SEC61A1: variants seen among roughly 807,000 people sequenced by gnomAD.
SEC61A1 encodes the protein SEC61 translocon subunit alpha 1.
A neutral mutation model predicts 55.2 loss-of-function variants in SEC61A1; 15 were observed. The ratio of observed to expected loss-of-function variants is 0.27; its 90% CI spans 0.18 to 0.42. SEC61A1 has a LOEUF of 0.42. Ranked by LOEUF, SEC61A1 falls within the 10% of genes least tolerant of loss-of-function variation. SEC61A1 has a pLI of 1.00. For missense variants in SEC61A1, 284 were observed against 602.6 expected, an observed-to-expected ratio of 0.47 and a Z score of 5.53; for synonymous variants, 247 against 234.0, an observed-to-expected ratio of 1.06 and a Z score of -0.51.
At chr3:128,060,720 CA>C (rs1171171400) in intron 7 of SEC61A1, 59 bp downstream of exon 7, 12 of 1,522,702 alleles carry the variant, frequency 7.9e-6, no homozygotes, top group Non-Finnish European at 1.1e-5. Context: ...TTGAGCAATG[CA>C]AAGCAGAAGA....
Position 128,067,525 on chromosome 3 carries a change from T to C in SEC61A1, c.1080T>C (p.His360=). 2 of 1,614,160 alleles carry C rather than the reference T, an allele frequency of 1.2e-6. No individual in the cohort carries two copies. The highest frequency in any genetic ancestry group is 1.7e-6 in the Non-Finnish European group (2 of 1,180,012). The change falls in exon 10 of 12, where the codon CAT becomes CAC. Residue 360 remains histidine, a synonymous_variant. Coordinates refer to ENST00000243253, the MANE Select transcript of SEC61A1 (RefSeq NM_013336.4). The surrounding 1 kb of genome is among the most constrained non-coding windows in gnomAD (Gnocchi z 4.1). ...GCTCCGTGTTAGAAGACCCGGTCCA[T>C]GCAGTTGTATACATAGTGTTCATGC... The part of the protein sequence containing the change: ...SFGSVLEDPV[H]AVVYIVFMLG...
At position 128,060,668 on chromosome 3, in the gene SEC61A1, G is replaced by T. The variant is rs775477059; in HGVS notation, c.616+7G>T. 2 of 1,613,150 alleles carry T rather than the reference G, an allele frequency of 1.2e-6. No individual in the cohort carries two copies. The highest frequency in any genetic ancestry group is 3.3e-5 in the Admixed American group (2 of 59,804). Reference sequence around the variant, plus strand: ...ACTGTCAACACTGGCCGAGGTAAGGGCCCTGTGCTCCCCTGGTGGCGACAG... The same window carrying T: ...ACTGTCAACACTGGCCGAGGTAAGGTCCCTGTGCTCCCCTGGTGGCGACAG... On this transcript the variant is annotated splice_region_variant and intron_variant, in intron 7 of 11. Coordinates refer to ENST00000243253, the MANE Select transcript of SEC61A1 (RefSeq NM_013336.4).
At chr3:128,065,226 A>G (rs1399015065) in intron 8 of SEC61A1, 189 bp downstream of exon 8, 1 of 699,408 alleles carries the variant, frequency 1.4e-6, no homozygotes, top group South Asian at 1.6e-5. Context: ...GGGACCTGCC[A>G]TTAACGAAAC....
In SEC61A1 at chr3:128,053,100, T is replaced by C. The variant is rs187927298; in HGVS notation, c.75+198T>C. Among the ~76,000 whole-genome samples the C allele has an allele frequency of 2.0e-4, 31 of 152,336 alleles. No homozygotes were observed. The East Asian group carries it at 4.8e-3, about 24-fold the overall frequency. Reference sequence around the variant, plus strand: ...GTGTGGAAATTTCCACTGAAATCACTGTGCTTTATTTGGAGCATCTTTGGT... The same window carrying C: ...GTGTGGAAATTTCCACTGAAATCACCGTGCTTTATTTGGAGCATCTTTGGT... On this transcript the variant is annotated intron_variant, in intron 2 of 11. Transcript: ENST00000243253.
chr3:128,058,340 CTGGG>C (rs1188924575), intron 5 of SEC61A1, among the ~76,000 whole-genome samples: 10 of 150,756 alleles, frequency 6.6e-5, no homozygotes, highest in Non-Finnish European at 1.5e-4. Context: ...TCCCAAGTAG[CTGGG>C]ACTACAGGTG....
intron 4 of SEC61A1, 78 bp downstream of exon 4, chr3:128,055,829 C>G (rs1941761913): frequency 1.7e-6 from 2 of 1,173,112 alleles, no homozygotes; most frequent in Non-Finnish European, 2.5e-6. Context: ...TAGGCTTTGG[C>G]TTTATATGGA....
At chr3:128,068,236 C>A (rs953806239) in intron 11 of SEC61A1, among the ~76,000 whole-genome samples, 177 bp downstream of exon 11, 1 of 152,238 alleles carries the variant, frequency 6.6e-6, no homozygotes, top group Non-Finnish European at 1.5e-5. Context: ...ACACTGGAGA[C>A]GTAAAAATAA....
chr3:128,057,310 GA>G (rs1428085553), intron 5 of SEC61A1, among the ~76,000 whole-genome samples: 1 of 152,246 alleles, frequency 6.6e-6, no homozygotes, highest in Admixed American at 6.5e-5. Flanking sequence ...GTTAGCGTGA[GA>G]GAGCACTTCT....
rs1364983969 is a variant in SEC61A1 at position 128,060,594 on chromosome 3, T to C, written c.549T>C (p.Ile183=). ...YGLGSGISLF[I]ATNICETIVW... ...TTGGCTCTGGTATTTCTCTCTTCAT[T>C]GCAACTAACATCTGTGAAACCATCG... Residue 183 remains isoleucine (I), a synonymous_variant, in exon 7 of 12, where the codon ATT becomes ATC. Coordinates refer to ENST00000243253, the MANE Select transcript of SEC61A1 (RefSeq NM_013336.4). 3.1e-6 allele frequency: 5 copies of C among 1,614,080 alleles called. No homozygotes were observed. In the African/African-American group the frequency reaches 5.3e-5, roughly 17 times the overall value.
chr3:128,065,732 ATTTTT>A (rs758640768), intron 8 of SEC61A1, among the ~76,000 whole-genome samples: 2 of 97,528 alleles, frequency 2.1e-5, no homozygotes, highest in African/African-American at 4.1e-5. Flanking sequence ...ATCATTAAGA[ATTTTT>A]TTTTTTTTTT....
chr3:128,052,684 C>A (rs1290482967), intron 1 of SEC61A1, 125 bp downstream of exon 1: 17 of 1,523,000 alleles, frequency 1.1e-5, no homozygotes, highest in Non-Finnish European at 1.5e-5. Context: ...CCCGTGCCCC[C>A]GGCCCTTCTC....
rs765722726 is a variant in SEC61A1 at position 128,070,592 on chromosome 3, C to T, written c.*930C>T. 6.6e-6 allele frequency: 1 copy of T among 152,262 alleles called. No individual in the cohort carries two copies. Among genetic ancestry groups the T allele is most frequent in the Admixed American group, 6.5e-5 (1 of 15,288 alleles). The allele number at this position is 152,262 out of a possible 1,614,324, so 9.4% of individuals were successfully genotyped here. ...ACCTTCTGGGCTGAAGATCACCCAG[C>T]TGTGTTCAGAATTTTCTTACTGTGC... is the stretch of plus-strand genomic sequence containing the variant. On this transcript the variant is annotated 3_prime_UTR_variant, in exon 12 of 12. Coordinates refer to ENST00000243253, the MANE Select transcript of SEC61A1 (RefSeq NM_013336.4).
chr3:128,058,436 G>A (rs897093122), intron 5 of SEC61A1, among the ~76,000 whole-genome samples: 3 of 152,074 alleles, frequency 2.0e-5, no homozygotes, highest in African/African-American at 7.2e-5. Flanking sequence ...TCTCAGTCTC[G>A]ATCTCCTGAC....
At chr3:128,060,716 A>G in intron 7 of SEC61A1, 55 bp downstream of exon 7, 1 of 1,538,384 alleles carries the variant, frequency 6.5e-7, no homozygotes, top group Non-Finnish European at 8.8e-7. Flanking sequence ...ACAATTGAGC[A>G]ATGCAAAGCA....
chr3:128,060,950 A>G (rs1454834113), intron 7 of SEC61A1, among the ~76,000 whole-genome samples: 1 of 152,260 alleles, frequency 6.6e-6, no homozygotes, highest in Non-Finnish European at 1.5e-5. Flanking sequence ...TTATATTGCA[A>G]CGATAAAGCA....
chr3:128,051,738 C>T, upstream of SEC61A1: 1 of 1,488,464 alleles, frequency 6.7e-7, no homozygotes, highest in Non-Finnish European at 8.9e-7. Context: ...AGGTACTCTC[C>T]CAGGAGGCCT....
At position 128,069,487 on chromosome 3, in the gene SEC61A1, C is replaced by T. The variant is rs781072089; in HGVS notation, c.1256C>T (p.Thr419Ile). The change falls in exon 12 of 12, where the codon ACA (threonine) becomes ATA (isoleucine). Residue 419 changes from threonine to isoleucine, a missense_variant. Physicochemically the swap from Thr to Ile is moderately conservative, Grantham distance 89. Transcript: ENST00000243253. ...MVHELNRYIP[T>I]AAAFGGLCIG... ...GTCCCCTCCCCCAGGTACATCCCCACAGCCGCGGCCTTTGGTGGGCTGTGC... is the reference window on the plus strand; with the variant it reads ...GTCCCCTCCCCCAGGTACATCCCCATAGCCGCGGCCTTTGGTGGGCTGTGC... 3 of 1,611,558 alleles carry T rather than the reference C, an allele frequency of 1.9e-6. No homozygotes were observed. The South Asian group carries it at 3.3e-5, about 18-fold the overall frequency.
At chr3:128,055,198 G>A (rs1941754292) in intron 2 of SEC61A1, among the ~76,000 whole-genome samples, 1 of 152,176 alleles carries the variant, frequency 6.6e-6, no homozygotes, top group Non-Finnish European at 1.5e-5. Flanking sequence ...CACAGTTTGG[G>A]ACTCAAACTC....
At position 128,070,936 on chromosome 3, in the gene SEC61A1, A is replaced by G. The variant is rs1395769868; in HGVS notation, c.*1274A>G. On this transcript the variant is annotated 3_prime_UTR_variant, in exon 12 of 12. Coordinates refer to ENST00000243253, the MANE Select transcript of SEC61A1 (RefSeq NM_013336.4). ...AGCAGAGTTGGGTGCTAAGATCCTG[A>G]GGAGCTCGAGGTTTCGAGCTGGCTT... is the stretch of plus-strand genomic sequence containing the variant. The G allele has an allele frequency of 6.6e-6, 1 of 152,280 alleles. No individual in the cohort carries two copies. Among genetic ancestry groups the G allele is most frequent in the African/African-American group, 2.4e-5 (1 of 41,458 alleles). 9.4% of individuals were successfully genotyped at this position (152,280 alleles called of 1,614,324 possible). A position where few individuals can be genotyped will look rare whatever the true frequency, so the allele number is the denominator to read the frequency against.
Sources: gnomAD v4.1 joint callset for allele counts (sites outside exome capture counted in the v4.1 genomes callset) on GRCh38, gnomAD v4.1.1 for gene constraint, Gnocchi (gnomAD v3.1) non-coding constraint, MANE v1.5 for transcripts, NCBI Gene and HGNC (gene_info 2026-07-23, HGNC 2026-07-21) for gene names.